The following GLRA2 variants were observed in gnomAD, a reference collection of about 807,000 sequenced individuals.
The protein encoded by GLRA2 is glycine receptor subunit alpha-2.
Under a neutral mutation model 31.6 loss-of-function variants are expected in GLRA2, and 11 were observed. The ratio of observed to expected loss-of-function variants is 0.35; its 90% CI spans 0.22 to 0.58. The LOEUF is 0.58. Ranked by LOEUF, GLRA2 falls within the 20% of genes least tolerant of loss-of-function variation. The pLI, the probability that GLRA2 is intolerant of heterozygous loss-of-function variation, is 0.84. For missense variants in GLRA2, 212 were observed against 351.8 expected (o/e 0.60, Z 3.18); for synonymous variants, 132 against 134.0 (o/e 0.99, Z 0.10).
the GLRA2 span, among the ~76,000 whole-genome samples, chrX:14,485,612 T>G: frequency 1.5e-4 from 17 of 111,440 alleles, no homozygotes; most frequent in Middle Eastern, 4.6e-3. Flanking sequence ...GCACCTAAAA[T>G]CTACTCTCTT....
chrX:14,487,957 G>C, the GLRA2 span, among the ~76,000 whole-genome samples: 55 of 111,774 alleles, frequency 4.9e-4, no homozygotes, highest in African/African-American at 1.7e-3. Flanking sequence ...TTGGACTCTG[G>C]TGTCTTTTCC....
intron 2 of GLRA2, among the ~76,000 whole-genome samples, chrX:14,566,972 A>G (rs2089815586): frequency 9.0e-6 from 1 of 111,000 alleles, no homozygotes; most frequent in African/African-American, 3.3e-5. Context: ...TCCAGGGTAC[A>G]TAAGTAGTAA....
chrX:14,687,623 CGTA>C (rs1022763114), intron 7 of GLRA2, among the ~76,000 whole-genome samples: 4 of 112,263 alleles, frequency 3.6e-5, no homozygotes, highest in Admixed American at 2.8e-4. Flanking sequence ...GCATGCGTCA[CGTA>C]GTTCTTGCGC....
the GLRA2 span, among the ~76,000 whole-genome samples, chrX:14,498,334 C>T: frequency 1.8e-5 from 2 of 110,816 alleles, no homozygotes; most frequent in South Asian, 3.7e-4. Flanking sequence ...TACATAGAAA[C>T]AATTTAACAA....
chrX:14,694,000 A>G (rs1277822139), intron 8 of GLRA2, among the ~76,000 whole-genome samples: 2 of 112,106 alleles, frequency 1.8e-5, no homozygotes, highest in East Asian at 5.6e-4. Context: ...TTATCTAAGA[A>G]TCTATTTCAT....
intron 7 of GLRA2, among the ~76,000 whole-genome samples, chrX:14,623,101 C>T (rs1215683224): frequency 1.8e-5 from 2 of 111,690 alleles, no homozygotes; most frequent in East Asian, 5.7e-4. Context: ...ATTTCATTCT[C>T]TTTGAAGCAA....
At chrX:14,651,379 T>G (rs2090888412) in intron 7 of GLRA2, among the ~76,000 whole-genome samples, 1 of 111,714 alleles carries the variant, frequency 9.0e-6, no homozygotes, top group Non-Finnish European at 1.9e-5. Context: ...GTAAAATTGA[T>G]ATTACATTAT....
intron 8 of GLRA2, among the ~76,000 whole-genome samples, chrX:14,700,846 A>G (rs928441147): frequency 1.8e-5 from 2 of 110,213 alleles, no homozygotes; most frequent in Non-Finnish European, 1.9e-5. Context: ...GTACATTTAA[A>G]TGCTGATGAG....
chrX:14,691,406 C>T (rs2091359635), intron 8 of GLRA2, among the ~76,000 whole-genome samples: 1 of 109,833 alleles, frequency 9.1e-6, no homozygotes, highest in Non-Finnish European at 1.9e-5. Context: ...TTATGCCGTA[C>T]CCATGTAGAT....
chrX:14,633,889 TCCATCAC>T (rs768943753), intron 7 of GLRA2, among the ~76,000 whole-genome samples: 5 of 111,536 alleles, frequency 4.5e-5, no homozygotes, highest in Admixed American at 1.9e-4. Flanking sequence ...TTCCACAAGG[TCCATCAC>T]CCAACACATG....
chrX:14,463,555 G>A, the GLRA2 span, among the ~76,000 whole-genome samples: 3 of 110,952 alleles, frequency 2.7e-5, no homozygotes, highest in African/African-American at 3.3e-5. Context: ...GCATAGAACC[G>A]CCTACTCAAG....
chrX:14,578,694 G>A (rs767933983), intron 3 of GLRA2, among the ~76,000 whole-genome samples: 73 of 111,889 alleles, frequency 6.5e-4, no homozygotes, highest in African/African-American at 2.3e-3. Flanking sequence ...AGGATGGGGA[G>A]TATATTTGCA....
intron 7 of GLRA2, among the ~76,000 whole-genome samples, chrX:14,680,516 CAG>C (rs763561412): frequency 6.3e-5 from 7 of 111,739 alleles, no homozygotes; most frequent in Non-Finnish European, 1.3e-4. Context: ...AATAATGTAA[CAG>C]GGGAAGATGT....
chrX:14,476,316 TACTC>T, the GLRA2 span, among the ~76,000 whole-genome samples: 1,359 of 112,306 alleles, frequency 0.012, 8 homozygotes, highest in Middle Eastern at 0.032. Context: ...GCTGGCTTTC[TACTC>T]ACTCAGACTT....
At chrX:14,679,571 T>C (rs1192420127) in intron 7 of GLRA2, among the ~76,000 whole-genome samples, 1 of 111,101 alleles carries the variant, frequency 9.0e-6, no homozygotes, top group East Asian at 2.8e-4. Context: ...AGCCTAACTG[T>C]CCACCCCTCA....
At chrX:14,521,252 A>C in the GLRA2 span, among the ~76,000 whole-genome samples, 1 of 112,528 alleles carries the variant, frequency 8.9e-6, no homozygotes, top group Non-Finnish European at 1.9e-5. Flanking sequence ...GGAGATTGGC[A>C]TATGAGTCAG....
At chrX:14,647,283 G>GATT (rs767096570) in intron 7 of GLRA2, among the ~76,000 whole-genome samples, 3 of 112,297 alleles carry the variant, frequency 2.7e-5, no homozygotes, top group East Asian at 5.6e-4. Flanking sequence ...GCTAAAGACT[G>GATT]ATTTCAATCA....
intron 7 of GLRA2, among the ~76,000 whole-genome samples, chrX:14,660,979 G>A (rs748937968): frequency 5.4e-5 from 6 of 111,761 alleles, no homozygotes; most frequent in East Asian, 2.8e-4. Context: ...TCTTTGTTTC[G>A]TTTACTAGAC....
rs765373433 is a variant in GLRA2, at chrX:14,612,367, C to T, written c.930+3162C>T. Among the ~76,000 whole-genome samples the T allele has an allele frequency of 3.6e-5, 4 of 111,884 alleles. No individual in the cohort carries two copies. In the South Asian group the frequency reaches 1.5e-3, roughly 42 times the overall value. On this transcript the variant is annotated intron_variant, in intron 7 of 8. Transcript: ENST00000218075. ...GTGGAAAAATAGGAATGCTTTTACACTGTTGGTGGGAGAGTAAATTAGTTC... is the reference window on the plus strand; with the variant it reads ...GTGGAAAAATAGGAATGCTTTTACATTGTTGGTGGGAGAGTAAATTAGTTC...
Sources: gnomAD v4.1 joint callset for allele counts (sites outside exome capture counted in the v4.1 genomes callset) on GRCh38, gnomAD v4.1.1 for gene constraint, MANE v1.5 for transcripts, NCBI Gene and HGNC (gene_info 2026-07-23, HGNC 2026-07-21) for gene names.